The following CLSTN2 variants were observed in gnomAD, a reference collection of about 807,000 sequenced individuals.
The protein encoded by CLSTN2 is calsyntenin-2.
CLSTN2 carries 48 observed loss-of-function variants against 101.2 expected under a neutral mutation model. That is an observed-to-expected ratio of 0.47 (90% CI 0.38 to 0.60). CLSTN2 has a LOEUF of 0.60. Ranked by LOEUF, CLSTN2 falls within the 20% of genes least tolerant of loss-of-function variation. The probability of loss-of-function intolerance (pLI) is 0.00; values close to 1 mark genes in which losing one functional copy is unlikely to be tolerated. For synonymous variants in CLSTN2, 481 were observed against 463.6 expected (o/e 1.04, Z -0.48); for missense variants, 1,160 against 1,238.2 (o/e 0.94, Z 0.95).
chr3:140,413,594 A>T (rs2088391180), intron 4 of CLSTN2, among the ~76,000 whole-genome samples: 1 of 152,194 alleles, frequency 6.6e-6, no homozygotes, highest in Admixed American at 6.5e-5. Flanking sequence ...AAGACAGTTC[A>T]AGAAAAGAAA....
intron 5 of CLSTN2, among the ~76,000 whole-genome samples, chr3:140,442,159 C>G (rs569322430): frequency 6.6e-6 from 1 of 152,110 alleles, no homozygotes; most frequent in East Asian, 1.9e-4. Flanking sequence ...CTGTCCCTCT[C>G]GGGTTTAGCT....
At chr3:140,198,637 T>A (rs2010678921) in intron 2 of CLSTN2, among the ~76,000 whole-genome samples, 1 of 152,214 alleles carries the variant, frequency 6.6e-6, no homozygotes, top group Non-Finnish European at 1.5e-5. Context: ...TATTTAATCC[T>A]GTAAAGAAGG....
At chr3:139,936,397 C>G (rs1935022202) in intron 1 of CLSTN2, among the ~76,000 whole-genome samples, 5 of 152,148 alleles carry the variant, frequency 3.3e-5, no homozygotes, top group Admixed American at 3.3e-4. Context: ...TGTGGCAGAT[C>G]CTAGCTGGGG....
At chr3:140,184,425 G>A (rs780228928) in intron 2 of CLSTN2, among the ~76,000 whole-genome samples, 22 of 152,134 alleles carry the variant, frequency 1.4e-4, no homozygotes, top group Admixed American at 3.3e-4. Context: ...GAGAGTGAAG[G>A]AGGAAGAGCC....
At chr3:140,169,063 C>T (rs2010175279) in intron 1 of CLSTN2, among the ~76,000 whole-genome samples, 1 of 151,984 alleles carries the variant, frequency 6.6e-6, no homozygotes, top group Admixed American at 6.6e-5. Context: ...TACATTAAAT[C>T]TATATATCAA....
chr3:140,501,536 C>T lies in CLSTN2; in HGVS notation c.1345-30788C>T, dbSNP rs1188685026. Among the ~76,000 whole-genome samples the T allele has an allele frequency of 2.0e-5, 3 of 152,162 alleles. No homozygotes were observed. In the East Asian group the frequency reaches 5.8e-4, roughly 29 times the overall value. The stretch of plus-strand genomic sequence containing the variant: ...ATGGGAGCTCCATGCTTTTCAGAGT[C>T]AGTTGTATGAATTTTTTCTAGCAAA... On this transcript the variant is annotated intron_variant, in intron 8 of 16. Coordinates refer to ENST00000458420, the MANE Select transcript of CLSTN2 (RefSeq NM_022131.3).
chr3:140,439,753 G>GCACA (rs10607498), intron 5 of CLSTN2, among the ~76,000 whole-genome samples: 2 of 151,444 alleles, frequency 1.3e-5, no homozygotes, highest in East Asian at 3.9e-4. Flanking sequence ...GCACACACAC[G>GCACA]CACACACACA....
At chr3:140,053,389 T>C (rs1270865470) in intron 1 of CLSTN2, among the ~76,000 whole-genome samples, 1 of 152,170 alleles carries the variant, frequency 6.6e-6, no homozygotes, top group Non-Finnish European at 1.5e-5. Context: ...CTGGATTGTG[T>C]CTGAGGATAA....
intron 2 of CLSTN2, among the ~76,000 whole-genome samples, chr3:140,245,169 C>G (rs1157554736): frequency 1.3e-5 from 2 of 152,178 alleles, no homozygotes; most frequent in Admixed American, 1.3e-4. Context: ...GTGTTTTACA[C>G]TCGGCTGTTA....
chr3:140,316,003 T>A (rs997390584), intron 2 of CLSTN2, among the ~76,000 whole-genome samples: 4 of 152,254 alleles, frequency 2.6e-5, no homozygotes, highest in Non-Finnish European at 5.9e-5. Context: ...AGATAGTGCA[T>A]TTACCCTTGT....
chr3:140,472,061 C>T (rs748545658), intron 8 of CLSTN2, among the ~76,000 whole-genome samples: 6 of 152,140 alleles, frequency 3.9e-5, no homozygotes, highest in Non-Finnish European at 7.3e-5. Flanking sequence ...CTCTCTGCCC[C>T]TGCCCTACCT....
Position 140,404,652 on chromosome 3 carries a change from T to G in CLSTN2, c.523T>G (p.Tyr175Asp). Residue 175 changes from tyrosine (Y) to aspartate (D), a missense_variant, in exon 4 of 17, where the codon TAT becomes GAT. Transcript: ENST00000458420. ...YKAVVTEGKI[Y>D]DSILQVEAID... ...GGCTGTTGTGACGGAGGGCAAGATC[T>G]ATGACAGCATTCTGCAGGTGGAGGC... 6.2e-7 allele frequency: 1 copy of G among 1,614,192 alleles called. No individual in the cohort carries two copies. Among genetic ancestry groups the G allele is most frequent in the Non-Finnish European group, 8.5e-7 (1 of 1,180,022 alleles).
chr3:140,320,593 G>T (rs1300485984), intron 2 of CLSTN2, among the ~76,000 whole-genome samples: 1 of 143,050 alleles, frequency 7.0e-6, no homozygotes. Flanking sequence ...TGCTTCCATT[G>T]TATTTGTGTT....
At chr3:140,386,866 C>G (rs1321345001) in intron 2 of CLSTN2, among the ~76,000 whole-genome samples, 4 of 152,194 alleles carry the variant, frequency 2.6e-5, no homozygotes, top group Non-Finnish European at 4.4e-5. Flanking sequence ...CTTACACAAG[C>G]AGGTTATATA....
intron 1 of CLSTN2, among the ~76,000 whole-genome samples, chr3:140,153,574 GTGT>G (rs1254851601): frequency 6.6e-6 from 1 of 152,230 alleles, no homozygotes; most frequent in East Asian, 1.9e-4. Flanking sequence ...GGGTGGTGAA[GTGT>G]TGTTAAAAAG....
At chr3:140,330,871 T>C (rs529161304) in intron 2 of CLSTN2, among the ~76,000 whole-genome samples, 1 of 152,192 alleles carries the variant, frequency 6.6e-6, no homozygotes, top group Admixed American at 6.5e-5. Context: ...AACCCTAGGG[T>C]TTAAAATCAG....
Position 140,568,731 on chromosome 3 carries a change from C to T in CLSTN2, c.*2478C>T, listed in dbSNP as rs1017170808. On this transcript the variant is annotated 3_prime_UTR_variant, in exon 17 of 17. Transcript: ENST00000458420. Reference sequence around the variant, plus strand: ...CACTTTTCTCTTTGCTCAGTCTTTTCGATCTGGTTGGGTAGGGAAGGTGTT... The same window carrying T: ...CACTTTTCTCTTTGCTCAGTCTTTTTGATCTGGTTGGGTAGGGAAGGTGTT... 4.6e-5 allele frequency: 7 copies of T among 151,860 alleles called. No individual in the cohort carries two copies. The highest frequency in any genetic ancestry group is 1.2e-4 in the African/African-American group (5 of 41,312). The allele number at this position is 151,860 out of a possible 1,614,324, so 9.4% of individuals were successfully genotyped here.
chr3:140,241,076 T>A (rs1167247336), intron 2 of CLSTN2, among the ~76,000 whole-genome samples: 2 of 152,312 alleles, frequency 1.3e-5, no homozygotes, highest in African/African-American at 4.8e-5. Context: ...GACTTGTAGT[T>A]ATGGTTCTAT....
chr3:140,020,540 T>G (rs2007292525), intron 1 of CLSTN2, among the ~76,000 whole-genome samples: 1 of 152,220 alleles, frequency 6.6e-6, no homozygotes, highest in East Asian at 1.9e-4. Flanking sequence ...GAGACCTGTC[T>G]GTAGACAAGC....
Sources: allele counts gnomAD v4.1 joint callset (sites outside exome capture counted in the v4.1 genomes callset), GRCh38; gene constraint gnomAD v4.1.1; transcripts MANE v1.5; gene names NCBI Gene and HGNC (gene_info 2026-07-23, HGNC 2026-07-21).